Variants in SLIT2 observed in about 807,000 individuals in gnomAD.
SLIT2 encodes slit guidance ligand 2, also known as slit homolog 2 protein.
A neutral mutation model predicts 185.7 loss-of-function variants in SLIT2; 41 were observed. The ratio of observed to expected loss-of-function variants is 0.22; its 90% CI spans 0.17 to 0.29. The LOEUF is 0.29. Among genes scored for constraint, SLIT2 ranks in the 10% least tolerant of loss-of-function variants. The pLI is 1.00. For synonymous variants in SLIT2, 693 were observed against 680.2 expected (o/e 1.02, Z -0.29); for missense variants, 1,571 against 1,909.0 (o/e 0.82, Z 3.30).
chr4:20,570,670 G>A (rs928034264), intron 29 of SLIT2, among the ~76,000 whole-genome samples: 3 of 147,594 alleles, frequency 2.0e-5, no homozygotes, highest in African/African-American at 7.5e-5. Flanking sequence ...TTGGACCCAA[G>A]CATTTCAAGC....
At chr4:20,364,375 C>A in intron 4 of SLIT2, 1 of 638,352 alleles carries the variant, frequency 1.6e-6, no homozygotes, top group Non-Finnish European at 2.0e-6. Context: ...CTCTCTACTG[C>A]AAAGAGAAAA....
intron 4 of SLIT2, among the ~76,000 whole-genome samples, chr4:20,306,683 A>T (rs953612823): frequency 6.6e-6 from 1 of 152,080 alleles, no homozygotes; most frequent in Non-Finnish European, 1.5e-5. Context: ...GTTTTTATTC[A>T]TGGAGAAATC....
chr4:20,456,263 C>T (rs1189506259), intron 4 of SLIT2, among the ~76,000 whole-genome samples: 1 of 152,100 alleles, frequency 6.6e-6, no homozygotes, highest in African/African-American at 2.4e-5. Flanking sequence ...CCCAACACAA[C>T]CTCTTTTTTT....
At chr4:20,329,740 A>C (rs1055252205) in intron 4 of SLIT2, among the ~76,000 whole-genome samples, 2 of 152,076 alleles carry the variant, frequency 1.3e-5, no homozygotes, top group African/African-American at 2.4e-5. Flanking sequence ...ATACATGTCC[A>C]TGATGTTTGA....
At chr4:20,472,384 A>ATATATC (rs750316382) in intron 5 of SLIT2, among the ~76,000 whole-genome samples, 2 of 10,268 alleles carry the variant, frequency 1.9e-4, no homozygotes, top group Admixed American at 1.3e-3. Context: ...ATCTATATAT[A>ATATATC]TGTAGATATA....
At chr4:20,561,431 T>G (rs1010500036) in intron 26 of SLIT2, among the ~76,000 whole-genome samples, 3 of 151,854 alleles carry the variant, frequency 2.0e-5, no homozygotes, top group African/African-American at 7.3e-5. Flanking sequence ...GACGAGTTTT[T>G]GATAGGCTTG....
At chr4:20,454,959 A>G (rs1344469901) in intron 4 of SLIT2, among the ~76,000 whole-genome samples, 1 of 152,044 alleles carries the variant, frequency 6.6e-6, no homozygotes, top group Non-Finnish European at 1.5e-5. Context: ...GCCAATTTAA[A>G]AAAAAAATGC....
intron 4 of SLIT2, among the ~76,000 whole-genome samples, chr4:20,353,127 G>A (rs1388683251): frequency 1.3e-5 from 2 of 152,126 alleles, no homozygotes; most frequent in African/African-American, 4.8e-5. Flanking sequence ...TAGAGGTGCT[G>A]TAGTAGGAAA....
chr4:20,325,602 C>T (rs907281836), intron 4 of SLIT2, among the ~76,000 whole-genome samples: 14 of 152,186 alleles, frequency 9.2e-5, no homozygotes, highest in Admixed American at 3.3e-4. Flanking sequence ...GCATACCTAA[C>T]GCATGTACTT....
intron 4 of SLIT2, among the ~76,000 whole-genome samples, chr4:20,452,609 T>C (rs971252082): frequency 1.3e-5 from 2 of 152,188 alleles, no homozygotes; most frequent in Non-Finnish European, 2.9e-5. Context: ...TCACCCTTTC[T>C]TTCTCTTTTG....
At chr4:20,339,514 G>A (rs1720788602) in intron 4 of SLIT2, among the ~76,000 whole-genome samples, 1 of 152,144 alleles carries the variant, frequency 6.6e-6, no homozygotes, top group African/African-American at 2.4e-5. Flanking sequence ...TGGTTAAAGA[G>A]ACTCTTAGCA....
intron 11 of SLIT2, among the ~76,000 whole-genome samples, chr4:20,514,798 C>T (rs574413321): frequency 4.6e-5 from 7 of 150,998 alleles, no homozygotes; most frequent in East Asian, 1.9e-4. Flanking sequence ...ATTTTTATTA[C>T]GTATTATATA....
At chr4:20,273,212 A>G (rs115511350) in intron 4 of SLIT2, among the ~76,000 whole-genome samples, 4 of 152,050 alleles carry the variant, frequency 2.6e-5, no homozygotes, top group African/African-American at 9.6e-5. Flanking sequence ...TTTAATAGTT[A>G]TAAGAGTAAC....
intron 17 of SLIT2, 53 bp downstream of exon 17, chr4:20,532,111 C>A (rs1721867721): frequency 5.9e-6 from 6 of 1,025,512 alleles, no homozygotes; most frequent in South Asian, 4.6e-5. Context: ...TTTGGGTGTT[C>A]ATTTCAGTTA....
chr4:20,576,469 G>T (rs540504841), intron 29 of SLIT2, among the ~76,000 whole-genome samples: 7 of 152,154 alleles, frequency 4.6e-5, no homozygotes, highest in African/African-American at 1.4e-4. Context: ...GGCTGAGTTG[G>T]ATTTGTAGAT....
At chr4:20,318,252 A>G (rs1343810797) in intron 4 of SLIT2, among the ~76,000 whole-genome samples, 2 of 152,192 alleles carry the variant, frequency 1.3e-5, no homozygotes, top group African/African-American at 2.4e-5. Context: ...GGCCTCTGCC[A>G]TTAACCCTTC....
chr4:20,439,857 G>A (rs780492838), intron 4 of SLIT2, among the ~76,000 whole-genome samples: 12 of 152,190 alleles, frequency 7.9e-5, no homozygotes, highest in Non-Finnish European at 1.3e-4. Flanking sequence ...ATAGAGTTCA[G>A]CTCCTGCCCT....
intron 4 of SLIT2, among the ~76,000 whole-genome samples, chr4:20,458,753 G>A (rs1010065995): frequency 5.3e-5 from 8 of 152,140 alleles, no homozygotes; most frequent in Admixed American, 2.6e-4. Flanking sequence ...TCCCAGCTCC[G>A]CTGCTTACTA....
intron 6 of SLIT2, among the ~76,000 whole-genome samples, chr4:20,485,691 G>A (rs924270179): frequency 1.8e-4 from 28 of 152,298 alleles, no homozygotes; most frequent in African/African-American, 6.7e-4. Context: ...TTCAGCAGTG[G>A]CTGATGTCTG....
Sources: allele counts gnomAD v4.1 joint callset (sites outside exome capture counted in the v4.1 genomes callset), GRCh38; gene constraint gnomAD v4.1.1; transcripts MANE v1.5; gene names NCBI Gene and HGNC (gene_info 2026-07-23, HGNC 2026-07-21).